The following DGKB variants were observed in gnomAD, a reference collection of about 807,000 sequenced individuals.
DGKB encodes 90 kDa diacylglycerol kinase.
Under a neutral mutation model 114.3 loss-of-function variants are expected in DGKB, and 67 were observed. The ratio of observed to expected loss-of-function variants is 0.59; its 90% CI spans 0.48 to 0.72. DGKB has a LOEUF of 0.72. Ranked by LOEUF, DGKB falls within the 30% of genes least tolerant of loss-of-function variation. DGKB has a pLI of 0.00. For missense variants in DGKB, 907 were observed against 975.2 expected (o/e 0.93, Z 0.93); for synonymous variants, 398 against 323.1 (o/e 1.23, Z -2.49).
chr7:14,852,494 A>AAAAAAACAAAAAAAAAAAAAAAAAAAG (rs1187968977), intron 1 of DGKB, among the ~76,000 whole-genome samples: 1 of 148,638 alleles, frequency 6.7e-6, no homozygotes, highest in Non-Finnish European at 1.5e-5. Context: ...AGTCAAAAAA[A>AAAAAAACAAAAAAAAAAAAAAAAAAAG]AAACAGAAAT....
At chr7:14,672,728 G>A (rs1298393294) in intron 13 of DGKB, among the ~76,000 whole-genome samples, 5 of 152,210 alleles carry the variant, frequency 3.3e-5, no homozygotes, top group South Asian at 2.1e-4. Flanking sequence ...CAAGCATATC[G>A]TTCTAGAAAG....
At chr7:14,591,322 GC>G (rs1167076103) in intron 17 of DGKB, among the ~76,000 whole-genome samples, 1 of 152,092 alleles carries the variant, frequency 6.6e-6, no homozygotes, top group Non-Finnish European at 1.5e-5. Flanking sequence ...TGAACATTTT[GC>G]AATGAAATCA....
chr7:14,615,141 T>A (rs771540791), intron 15 of DGKB, among the ~76,000 whole-genome samples: 11 of 152,094 alleles, frequency 7.2e-5, no homozygotes, highest in Non-Finnish European at 1.2e-4. Context: ...TTTAGTTGAC[T>A]TTTTAGTCAA....
intron 7 of DGKB, among the ~76,000 whole-genome samples, chr7:14,699,187 A>G (rs977883195): frequency 2.6e-5 from 4 of 152,152 alleles, no homozygotes; most frequent in Non-Finnish European, 5.9e-5. Context: ...CCCCAGAAGT[A>G]ATACAAAGAT....
chr7:14,435,962 TA>T (rs1391525329), intron 21 of DGKB, among the ~76,000 whole-genome samples: 1 of 152,116 alleles, frequency 6.6e-6, no homozygotes, highest in Admixed American at 6.6e-5. Flanking sequence ...TGACTTAGAA[TA>T]ATATCAAAGG....
intron 20 of DGKB, among the ~76,000 whole-genome samples, chr7:14,542,605 C>T (rs752265844): frequency 2.0e-5 from 3 of 152,136 alleles, no homozygotes; most frequent in African/African-American, 4.8e-5. Flanking sequence ...AGCTGCCACT[C>T]CCCAGCAGAG....
intron 20 of DGKB, among the ~76,000 whole-genome samples, chr7:14,510,126 T>C (rs894644699): frequency 6.6e-6 from 1 of 152,070 alleles, no homozygotes; most frequent in African/African-American, 2.4e-5. Flanking sequence ...ATCAGGGTGG[T>C]GGTTGCTGAA....
intron 21 of DGKB, among the ~76,000 whole-genome samples, chr7:14,467,495 AAC>A (rs1228038479): frequency 2.0e-5 from 3 of 151,924 alleles, no homozygotes; most frequent in South Asian, 2.1e-4. Context: ...TATAAAACAT[AAC>A]ACACATTTTT....
At chr7:14,695,445 C>T (rs935088069) in intron 8 of DGKB, among the ~76,000 whole-genome samples, 3 of 149,960 alleles carry the variant, frequency 2.0e-5, no homozygotes, top group African/African-American at 7.4e-5. Flanking sequence ...CCAGTCTTCC[C>T]TACTACTATT....
At chr7:14,293,833 T>C (rs1030779694) in intron 23 of DGKB, among the ~76,000 whole-genome samples, 2 of 152,216 alleles carry the variant, frequency 1.3e-5, no homozygotes, top group African/African-American at 2.4e-5. Flanking sequence ...TATGTTCTTC[T>C]TGCTGAGTCT....
At chr7:14,889,708 G>A (rs1780881889) in intron 1 of DGKB, among the ~76,000 whole-genome samples, 1 of 151,454 alleles carries the variant, frequency 6.6e-6, no homozygotes, top group Non-Finnish European at 1.5e-5. Flanking sequence ...GCAATCTAAA[G>A]TAGAAATGGA....
intron 23 of DGKB, among the ~76,000 whole-genome samples, chr7:14,241,913 GAT>G (rs764013697): frequency 4.5e-4 from 45 of 99,626 alleles, no homozygotes; most frequent in Non-Finnish European, 6.0e-4. Flanking sequence ...ATTGCATCAA[GAT>G]ATATACACAC....
chr7:14,963,777 T>G (rs1289051617), intron 1 of DGKB, among the ~76,000 whole-genome samples: 2 of 152,114 alleles, frequency 1.3e-5, no homozygotes, highest in Non-Finnish European at 2.9e-5. Flanking sequence ...TTCTTGAGAT[T>G]TTTTGGTCTT....
intron 21 of DGKB, among the ~76,000 whole-genome samples, chr7:14,362,638 T>C (rs1815961662): frequency 8.3e-6 from 1 of 120,420 alleles, no homozygotes; most frequent in Non-Finnish European, 1.7e-5. Flanking sequence ...AGAGTGTATA[T>C]ACAATAAAAA....
In DGKB at chr7:14,285,588, G is replaced by C. The variant is rs544460207; in HGVS notation, c.2122+52927C>G. Among the ~76,000 whole-genome samples, 236 of 152,244 alleles carry C rather than the reference G, an allele frequency of 1.6e-3. 1 individual carries two copies. The highest frequency in any genetic ancestry group is 5.4e-3 in the African/African-American group (223 of 41,548). ...TACTTCATGGATGAAGTATCAGTTG[G>C]GCTGGGCTCACTGAAGGTTGTACTA... On this transcript the variant is annotated intron_variant, in intron 23 of 25. Transcript: ENST00000402815.
At chr7:14,218,893 T>C (rs944449918) in intron 23 of DGKB, among the ~76,000 whole-genome samples, 1 of 151,962 alleles carries the variant, frequency 6.6e-6, no homozygotes, top group Non-Finnish European at 1.5e-5. Context: ...ATCTTTTAGA[T>C]ATTGCTGCTG....
At chr7:14,283,546 G>T (rs1008145579) in intron 23 of DGKB, among the ~76,000 whole-genome samples, 22 of 148,764 alleles carry the variant, frequency 1.5e-4, no homozygotes, top group Non-Finnish European at 8.8e-5. Context: ...AAAAGAGCCC[G>T]CATCGCCAAG....
intron 21 of DGKB, among the ~76,000 whole-genome samples, chr7:14,438,242 C>T (rs62443279): frequency 3.3e-5 from 5 of 152,134 alleles, no homozygotes; most frequent in Non-Finnish European, 5.9e-5. Context: ...CTCTCTGCCT[C>T]GTTATCAGGT....
intron 15 of DGKB, among the ~76,000 whole-genome samples, chr7:14,617,425 T>C (rs889229083): frequency 1.7e-4 from 26 of 151,666 alleles, no homozygotes; most frequent in Non-Finnish European, 3.0e-4. Context: ...TCAAAATATA[T>C]GTAGAATCCC....
Sources: allele counts gnomAD v4.1 joint callset (sites outside exome capture counted in the v4.1 genomes callset), GRCh38; gene constraint gnomAD v4.1.1; transcripts MANE v1.5; gene names NCBI Gene and HGNC (gene_info 2026-07-23, HGNC 2026-07-21).